Variants in AMBRA1 observed in about 807,000 individuals in gnomAD.
AMBRA1 encodes the protein autophagy and beclin 1 regulator 1.
A neutral mutation model predicts 125.4 loss-of-function variants in AMBRA1; 47 were observed. The ratio of observed to expected loss-of-function variants is 0.37; its 90% confidence interval spans 0.30 to 0.48. The LOEUF is 0.48. AMBRA1 is among the 20% of genes least tolerant of loss of function. The pLI is 0.99. For missense variants in AMBRA1, 1,331 were observed against 1,693.4 expected (o/e 0.79, Z 3.76); for synonymous variants, 626 against 655.5 (o/e 0.95, Z 0.69).
chr11:46,551,888 C>T (rs561530137), intron 1 of AMBRA1, among the ~76,000 whole-genome samples: 44 of 151,808 alleles, frequency 2.9e-4, no homozygotes, highest in African/African-American at 1.0e-3. Flanking sequence ...ATTAGCCAGG[C>T]GTGGTGGCAG....
Position 46,400,010 on chromosome 11 carries a change from C to T in AMBRA1, c.3404-2067G>A, listed in dbSNP as rs549343801. ...GTGCTGGAGAGAGAAAAGGAGCTAACGCACAGCCCAGGCACTTGGTCAACG... is the reference window on the plus strand; with the variant it reads ...GTGCTGGAGAGAGAAAAGGAGCTAATGCACAGCCCAGGCACTTGGTCAACG... On this transcript the variant is annotated intron_variant, in intron 17 of 17. Transcript: ENST00000683756. Among the ~76,000 whole-genome samples the T allele has an allele frequency of 9.9e-5, 15 of 152,276 alleles. No individual in the cohort carries two copies. In the East Asian group the frequency reaches 1.5e-3, roughly 16 times the overall value.
chr11:46,452,029 T>C (rs1407739534), intron 11 of AMBRA1: 3 of 152,434 alleles, frequency 2.0e-5, no homozygotes, highest in South Asian at 2.1e-4. Flanking sequence ...AATATCTAGA[T>C]AGAGGTGATG....
intron 1 of AMBRA1, among the ~76,000 whole-genome samples, chr11:46,554,444 A>C (rs915863359): frequency 6.6e-6 from 1 of 152,170 alleles, no homozygotes; most frequent in African/African-American, 2.4e-5. Flanking sequence ...AAAAAAATCA[A>C]AGGATCAGGA....
intron 14 of AMBRA1, among the ~76,000 whole-genome samples, chr11:46,424,017 C>A (rs543397503): frequency 6.6e-6 from 1 of 152,042 alleles, no homozygotes; most frequent in South Asian, 2.1e-4. Flanking sequence ...CCCGCCTCAG[C>A]CTCCCAAAGT....
At chr11:46,553,996 G>A (rs572860042) in intron 1 of AMBRA1, among the ~76,000 whole-genome samples, 4 of 152,220 alleles carry the variant, frequency 2.6e-5, no homozygotes, top group Admixed American at 6.5e-5. Context: ...CATAGATTAG[G>A]ATCAGAAATC....
rs551820386 is a variant in AMBRA1 at position 46,471,181 on chromosome 11, C to A, written c.2521+22427G>T. ...TTCACGCCAGATGCAGTGGCTCATG[C>A]CTGTAATCCCAGCACTTTGGGAGGC... is the stretch of plus-strand genomic sequence containing the variant. On this transcript the variant is annotated intron_variant, in intron 11 of 17. Transcript: ENST00000683756. Among the ~76,000 whole-genome samples the A allele has an allele frequency of 1.4e-4, 21 of 152,302 alleles. No homozygotes were observed. In the South Asian group the frequency reaches 2.5e-3, roughly 18 times the overall value.
chr11:46,542,404 A>G lies in AMBRA1; in HGVS notation c.1613T>C (p.Ile538Thr), dbSNP rs772038426. 19 of 1,613,822 alleles carry G rather than the reference A, an allele frequency of 1.2e-5. No individual in the cohort carries two copies. Among genetic ancestry groups the G allele is most frequent in the African/African-American group, 8.0e-5 (6 of 74,838 alleles). ...GGAAGGGCCTGGCCTCTCAGATTCA[A>G]TGTTATTGTTGAGCATTTCCTGGGC... ...QQAQEMLNNNIESERPGPSHQ... is the reference protein window; with the variant it reads ...QQAQEMLNNNTESERPGPSHQ... Residue 538 changes from isoleucine to threonine, a missense_variant, in exon 7 of 18, where the codon ATT becomes ACT. Physicochemically the swap from Ile to Thr is moderately conservative, Grantham distance 89 (BLOSUM62 -1). Around this residue, in one of 4 missense-constraint regions of AMBRA1, gnomAD observed 689 missense variants for 776.5 expected, o/e 0.89. Coordinates refer to ENST00000683756, the MANE Select transcript of AMBRA1 (RefSeq NM_001387011.1). The surrounding 1 kb of genome is among the most constrained non-coding windows in gnomAD (Gnocchi z 5.9).
intron 15 of AMBRA1, 38 bp downstream of exon 15, chr11:46,417,875 C>T (rs757138762): frequency 2.6e-6 from 4 of 1,567,026 alleles, no homozygotes; most frequent in Non-Finnish European, 3.5e-6. Context: ...GTCCTCGGCC[C>T]CAGTGATCCC....
intron 17 of AMBRA1, among the ~76,000 whole-genome samples, chr11:46,406,326 T>C (rs1946016340): frequency 7.3e-6 from 1 of 137,630 alleles, no homozygotes; most frequent in African/African-American, 2.7e-5. Context: ...GTTGCTAGAA[T>C]TACAGGCGTG....
At chr11:46,554,737 T>C (rs2043113851) in intron 1 of AMBRA1, among the ~76,000 whole-genome samples, 1 of 152,062 alleles carries the variant, frequency 6.6e-6, no homozygotes, top group African/African-American at 2.4e-5. Flanking sequence ...GAGGAGAAAA[T>C]GCCAGTCAAT....
At chr11:46,501,249 T>A (rs1350213960) in intron 9 of AMBRA1, among the ~76,000 whole-genome samples, 1 of 152,224 alleles carries the variant, frequency 6.6e-6, no homozygotes, top group East Asian at 1.9e-4. Context: ...CTTCCCCATG[T>A]CTGTGTGGGT....
intron 11 of AMBRA1, among the ~76,000 whole-genome samples, chr11:46,484,596 A>G (rs1204441241): frequency 2.0e-5 from 3 of 152,086 alleles, no homozygotes; most frequent in Non-Finnish European, 2.9e-5. Flanking sequence ...TCCCACTGAC[A>G]GTGTATACGC....
At chr11:46,440,156 G>A (rs932732913) in intron 12 of AMBRA1, among the ~76,000 whole-genome samples, 2 of 152,142 alleles carry the variant, frequency 1.3e-5, no homozygotes, top group African/African-American at 4.8e-5. Flanking sequence ...AGCACAGTTT[G>A]TAGAGTAAAA....
chr11:46,498,806 T>A (rs929765600), intron 9 of AMBRA1, among the ~76,000 whole-genome samples: 1 of 152,232 alleles, frequency 6.6e-6, no homozygotes, highest in African/African-American at 2.4e-5. Context: ...CTTGACAGTA[T>A]ACAGTTGACT....
chr11:46,464,186 C>T (rs948298064), intron 11 of AMBRA1, among the ~76,000 whole-genome samples: 4 of 152,204 alleles, frequency 2.6e-5, no homozygotes, highest in Non-Finnish European at 5.9e-5. Flanking sequence ...AGAATCAGCA[C>T]TAGATGTTTT....
intron 1 of AMBRA1, among the ~76,000 whole-genome samples, chr11:46,567,973 C>T (rs564533074): frequency 1.3e-5 from 2 of 151,818 alleles, no homozygotes; most frequent in South Asian, 4.2e-4. Context: ...CCTGGTGAAA[C>T]CCCATCTCTA....
At position 46,435,032 on chromosome 11, in the gene AMBRA1, C is replaced by A; in HGVS notation, c.2638G>T (p.Val880Leu). The A allele has an allele frequency of 6.2e-7, 1 of 1,604,592 alleles. No homozygotes were observed. Reference sequence around the variant, plus strand: ...TTGCAGTTCTGCACCAGCACATTCACGGAAGCTGCATCAGACAAAGAAAGA... The same window carrying A: ...TTGCAGTTCTGCACCAGCACATTCAAGGAAGCTGCATCAGACAAAGAAAGA... ...FDLPEISNASVNVLVQNCKIY... is the reference protein window; with the variant it reads ...FDLPEISNASLNVLVQNCKIY... The change falls in exon 13 of 18, where the codon GTG (valine) becomes TTG (leucine). Residue 880 changes from valine to leucine, a missense_variant. Val to Leu is a conservative substitution (Grantham distance 32). This residue lies in a region of AMBRA1 where 354 missense variants were observed against 532.7 expected (regional missense o/e 0.66). Coordinates refer to ENST00000683756, the MANE Select transcript of AMBRA1 (RefSeq NM_001387011.1).
intron 11 of AMBRA1, among the ~76,000 whole-genome samples, chr11:46,460,613 G>A (rs749498730): frequency 6.6e-6 from 1 of 152,098 alleles, no homozygotes; most frequent in Non-Finnish European, 1.5e-5. Flanking sequence ...GTGAGCCACC[G>A]CGTCCAGCAT....
At chr11:46,519,244 G>A (rs1364452723) in intron 7 of AMBRA1, among the ~76,000 whole-genome samples, 5 of 152,072 alleles carry the variant, frequency 3.3e-5, no homozygotes, top group Non-Finnish European at 2.9e-5. Flanking sequence ...GGCTGGTCTT[G>A]ATCTCCTGGC....
Sources: allele counts gnomAD v4.1 joint callset (sites outside exome capture counted in the v4.1 genomes callset), GRCh38; gene constraint gnomAD v4.1.1; regional missense constraint gnomAD v4.1.1; non-coding constraint Gnocchi (gnomAD v3.1); transcripts MANE v1.5; gene names NCBI Gene and HGNC (gene_info 2026-07-23, HGNC 2026-07-21).